The following PPP3R1 variants were observed in gnomAD, a reference collection of about 807,000 sequenced individuals.
PPP3R1 encodes the protein calcineurin subunit B type 1.
Under a neutral mutation model 22.6 loss-of-function variants are expected in PPP3R1, and 5 were observed. That is an observed-to-expected ratio of 0.22 (90% CI 0.12 to 0.46). The LOEUF is 0.46. Ranked by LOEUF, PPP3R1 falls within the 20% of genes least tolerant of loss-of-function variation. The probability of loss-of-function intolerance (pLI) is 0.99; values close to 1 mark genes in which losing one functional copy is unlikely to be tolerated. For missense variants in PPP3R1, 61 were observed against 203.2 expected, an observed-to-expected ratio of 0.30 and a Z score of 4.25; for synonymous variants, 56 against 65.2, an observed-to-expected ratio of 0.86 and a Z score of 0.68.
chr2:68,195,958 G>A (rs1354284954), intron 2 of PPP3R1, among the ~76,000 whole-genome samples: 3 of 148,632 alleles, frequency 2.0e-5, no homozygotes, highest in African/African-American at 5.0e-5. Flanking sequence ...CCAACTATAC[G>A]TACTATTTCT....
In PPP3R1 at chr2:68,224,737, T is replaced by C. The variant is rs571515365; in HGVS notation, c.4-7606A>G. On this transcript the variant is annotated intron_variant, in intron 1 of 5. Transcript: ENST00000234310. Reference sequence around the variant, plus strand: ...TGGTGTAAGAACAGACAAATATCAATTGGACAGAATAAAGTAAACACACAC... The same window carrying C: ...TGGTGTAAGAACAGACAAATATCAACTGGACAGAATAAAGTAAACACACAC... 1.2e-3 allele frequency among the ~76,000 whole-genome samples: 180 copies of C among 150,728 alleles called. 1 individual carries two copies. Among genetic ancestry groups the C allele is most frequent in the Middle Eastern group, 0.01 (3 of 286 alleles).
chr2:68,201,211 CCTTT>C (rs1674968702), intron 2 of PPP3R1, among the ~76,000 whole-genome samples: 1 of 152,008 alleles, frequency 6.6e-6, no homozygotes, highest in Non-Finnish European at 1.5e-5. Context: ...GTTAGCTGCA[CCTTT>C]CTTTAGCTTT....
intron 1 of PPP3R1, among the ~76,000 whole-genome samples, chr2:68,249,950 T>C (rs1670311890): frequency 6.6e-6 from 1 of 152,186 alleles, no homozygotes; most frequent in African/African-American, 2.4e-5. Flanking sequence ...GTATGTTCAA[T>C]TAACCAGAAA....
chr2:68,188,446 T>A lies in PPP3R1; in HGVS notation c.220+68A>T, dbSNP rs1558627334. ...AATATAAGCACTTTTTTTTTTTTTT[T>A]ACACAGAGCTGTAAGAATACAAATA... On this transcript the variant is annotated intron_variant, in intron 3 of 5. Coordinates refer to ENST00000234310, the MANE Select transcript of PPP3R1 (RefSeq NM_000945.4). The A allele has an allele frequency of 7.5e-6, 9 of 1,193,262 alleles. No homozygotes were observed. In the East Asian group the frequency reaches 7.8e-5, roughly 10 times the overall value. 73.9% of individuals were successfully genotyped at this position (1,193,262 alleles called of 1,614,324 possible).
At chr2:68,197,978 C>T (rs1674825405) in intron 2 of PPP3R1, among the ~76,000 whole-genome samples, 1 of 127,140 alleles carries the variant, frequency 7.9e-6, no homozygotes, top group African/African-American at 2.9e-5. Flanking sequence ...ATATATGATA[C>T]ATATAGAAAA....
At chr2:68,245,585 T>C (rs1195009538) in intron 1 of PPP3R1, among the ~76,000 whole-genome samples, 3 of 152,212 alleles carry the variant, frequency 2.0e-5, no homozygotes, top group African/African-American at 7.2e-5. Context: ...TTCATGACTG[T>C]TTCCTCATCA....
At chr2:68,182,048 CACCAG>C (rs965770276) in intron 5 of PPP3R1, among the ~76,000 whole-genome samples, 1 of 147,352 alleles carries the variant, frequency 6.8e-6, no homozygotes, top group Non-Finnish European at 1.5e-5. Flanking sequence ...ATCTTCCAGT[CACCAG>C]ACATCTCCCC....
At chr2:68,194,552 T>C (rs879613956) in intron 2 of PPP3R1, among the ~76,000 whole-genome samples, 13 of 152,106 alleles carry the variant, frequency 8.5e-5, no homozygotes, top group Non-Finnish European at 1.5e-4. Flanking sequence ...ATCTCCCTTA[T>C]ATATTTCTCT....
chr2:68,199,018 C>T (rs1202143744), intron 2 of PPP3R1, among the ~76,000 whole-genome samples: 1 of 152,154 alleles, frequency 6.6e-6, no homozygotes, highest in African/African-American at 2.4e-5. Context: ...GGCTGGAGTG[C>T]AGTGGCACGA....
intron 1 of PPP3R1, among the ~76,000 whole-genome samples, chr2:68,230,108 T>A (rs1669866443): frequency 6.6e-6 from 1 of 152,084 alleles, no homozygotes; most frequent in South Asian, 2.1e-4. Context: ...TGCCCCCATC[T>A]CAGCCTCCTG....
chr2:68,206,088 G>A (rs1315596709), intron 2 of PPP3R1, among the ~76,000 whole-genome samples: 1 of 152,178 alleles, frequency 6.6e-6, no homozygotes. Context: ...AAAGTGCTGG[G>A]ATTACAGGCG....
Position 68,179,009 on chromosome 2 carries a change from A to AAAAAGG in PPP3R1, c.*1953_*1954insCCTTTT, listed in dbSNP as rs58611793. ...CACACACAAACTAAAAAAAAAAAAAAAAAAAAAGAAAAAGAAAAAACCCTC... is the reference window on the plus strand; with the variant it reads ...CACACACAAACTAAAAAAAAAAAAAAAAAAGGAAAAAAAGAAAAAGAAAAAACCCTC... On this transcript the variant is annotated 3_prime_UTR_variant, in exon 6 of 6. Transcript: ENST00000234310. 1.6e-5 allele frequency: 2 copies of AAAAAGG among 122,528 alleles called. No individual in the cohort carries two copies. Among genetic ancestry groups the AAAAAGG allele is most frequent in the African/African-American group, 6.4e-5 (2 of 31,230 alleles). 7.6% of individuals were successfully genotyped at this position (122,528 alleles called of 1,614,324 possible). A position where few individuals can be genotyped will look rare whatever the true frequency, so the allele number is the denominator to read the frequency against.
intron 2 of PPP3R1, among the ~76,000 whole-genome samples, chr2:68,204,021 C>T (rs367934311): frequency 2.0e-5 from 3 of 152,286 alleles, no homozygotes; most frequent in South Asian, 4.1e-4. Flanking sequence ...TTTATCTAAA[C>T]CACTCAGAAT....
intron 2 of PPP3R1, among the ~76,000 whole-genome samples, chr2:68,211,750 A>G (rs1669492297): frequency 6.6e-6 from 1 of 152,214 alleles, no homozygotes; most frequent in African/African-American, 2.4e-5. Flanking sequence ...TTGTCATTTC[A>G]GTAATGTTCA....
intron 1 of PPP3R1, among the ~76,000 whole-genome samples, chr2:68,232,598 TTTGTTGTTG>T (rs560474956): frequency 8.7e-4 from 132 of 151,778 alleles, no homozygotes; most frequent in Non-Finnish European, 1.1e-3. Context: ...TTACAGTGTT[TTTGTTGTTG>T]TTGTTGTTGT....
chr2:68,182,518 A>C lies in PPP3R1; in HGVS notation c.466-1508T>G, dbSNP rs147002942. On this transcript the variant is annotated intron_variant, in intron 5 of 5. Transcript: ENST00000234310. ...ATGGCTTTATCTTTATTTTCATCAGAAATTCAGCATTTTTCAGCCAGGTGC... is the reference window on the plus strand; with the variant it reads ...ATGGCTTTATCTTTATTTTCATCAGCAATTCAGCATTTTTCAGCCAGGTGC... Among the ~76,000 whole-genome samples the C allele has an allele frequency of 2.7e-3, 411 of 152,128 alleles. 2 individuals are homozygous for C. Among genetic ancestry groups the C allele is most frequent in the African/African-American group, 6.2e-3 (257 of 41,508 alleles).
intron 1 of PPP3R1, among the ~76,000 whole-genome samples, chr2:68,227,283 T>C (rs1156232816): frequency 3.3e-5 from 5 of 152,082 alleles, no homozygotes; most frequent in Non-Finnish European, 7.4e-5. Flanking sequence ...AAATGTTGAA[T>C]AACATGAACT....
At chr2:68,221,889 C>G (rs1669694142) in intron 1 of PPP3R1, among the ~76,000 whole-genome samples, 2 of 150,162 alleles carry the variant, frequency 1.3e-5, no homozygotes, top group Admixed American at 1.3e-4. Flanking sequence ...AAATATCTTT[C>G]AAATATTATG....
At chr2:68,242,424 TAA>T (rs879324913) in intron 1 of PPP3R1, among the ~76,000 whole-genome samples, 322 of 127,906 alleles carry the variant, frequency 2.5e-3, no homozygotes, top group African/African-American at 8.3e-3. Context: ...AGACTCCGTC[TAA>T]AAAAAAAAAA....
Sources: allele counts gnomAD v4.1 joint callset (sites outside exome capture counted in the v4.1 genomes callset), GRCh38; gene constraint gnomAD v4.1.1; transcripts MANE v1.5; gene names NCBI Gene and HGNC (gene_info 2026-07-23, HGNC 2026-07-21).